MSRA: variants seen among roughly 807,000 people sequenced by gnomAD.
The protein encoded by MSRA is mitochondrial peptide methionine sulfoxide reductase.
MSRA carries 54 observed loss-of-function variants against 31.3 expected under a neutral mutation model. The ratio of observed to expected loss-of-function variants is 1.73; its 90% confidence interval spans 1.39 to 2.17. The LOEUF is 2.17. Among genes scored for constraint, MSRA ranks in the 30% most tolerant of loss-of-function variants. MSRA has a pLI of 0.00. For missense variants in MSRA, 507 were observed against 300.9 expected, an observed-to-expected ratio of 1.69 and a Z score of -5.07; for synonymous variants, 169 against 116.5, an observed-to-expected ratio of 1.45 and a Z score of -2.90.
chr8:10,281,580 C>T (rs1247080231), intron 3 of MSRA, among the ~76,000 whole-genome samples: 1 of 152,236 alleles, frequency 6.6e-6, no homozygotes. Context: ...AGCCAGTACA[C>T]CGCATATAAC....
At chr8:10,134,487 T>A (rs539672913) in intron 1 of MSRA, among the ~76,000 whole-genome samples, 1 of 152,338 alleles carries the variant, frequency 6.6e-6, no homozygotes, top group African/African-American at 2.4e-5. Flanking sequence ...ACGGTGACCG[T>A]GGGGCACATC....
intron 3 of MSRA, among the ~76,000 whole-genome samples, chr8:10,253,784 G>A (rs6983870): frequency 0.3 from 46,330 of 151,914 alleles, 7,782 homozygotes; most frequent in Non-Finnish European, 0.38. Flanking sequence ...GAATTTTATG[G>A]GATATGCTGG....
intron 1 of MSRA, among the ~76,000 whole-genome samples, chr8:10,129,704 C>T (rs963102396): frequency 1.3e-5 from 2 of 152,106 alleles, no homozygotes; most frequent in East Asian, 1.9e-4. Flanking sequence ...CATCCTTGAG[C>T]CCCTGGAGGT....
intron 5 of MSRA, among the ~76,000 whole-genome samples, chr8:10,363,747 C>CACACACACACACAT (rs1804995419): frequency 6.8e-6 from 1 of 147,618 alleles, no homozygotes; most frequent in Admixed American, 6.8e-5. Context: ...ACCACACACA[C>CACACACACACACAT]ACACACACAC....
At chr8:10,395,910 A>G (rs543279632) in intron 5 of MSRA, among the ~76,000 whole-genome samples, 6 of 152,176 alleles carry the variant, frequency 3.9e-5, no homozygotes, top group Non-Finnish European at 7.4e-5. Context: ...AGAAATGGCA[A>G]TTCACAAAGG....
intron 1 of MSRA, 94 bp from the exon 2 acceptor site, chr8:10,207,739 A>T: frequency 8.5e-7 from 1 of 1,180,562 alleles, no homozygotes; most frequent in Admixed American, 2.5e-5. Flanking sequence ...TTTAACTCAA[A>T]GGAGAAATAG....
intron 1 of MSRA, among the ~76,000 whole-genome samples, chr8:10,056,175 C>G (rs1802351261): frequency 8.5e-6 from 1 of 116,964 alleles, no homozygotes; most frequent in African/African-American, 3.4e-5. Flanking sequence ...ACTGCCGTGT[C>G]TTTGCTATGC....
At chr8:10,401,645 T>C (rs1259673550) in intron 5 of MSRA, among the ~76,000 whole-genome samples, 1 of 151,258 alleles carries the variant, frequency 6.6e-6, no homozygotes, top group Non-Finnish European at 1.5e-5. Flanking sequence ...AGCCAAAAAG[T>C]GGAAGCAACT....
chr8:10,210,738 T>A (rs1239425979), intron 2 of MSRA, among the ~76,000 whole-genome samples: 2 of 112,938 alleles, frequency 1.8e-5, no homozygotes, highest in African/African-American at 1.0e-4. Flanking sequence ...TATAATGTCA[T>A]TTTTTTTTTT....
Position 10,421,321 on chromosome 8 carries a change from C to G in MSRA, c.544-6827C>G, listed in dbSNP as rs560016608. Among the ~76,000 whole-genome samples the G allele has an allele frequency of 1.3e-4, 20 of 152,266 alleles. No homozygotes were observed. The East Asian group carries it at 3.5e-3, about 26-fold the overall frequency. ...AGGAATAAGAAGCCTACATTTTAGTCAATGGAAGGTTCACGTGAATAGAGG... is the reference window on the plus strand; with the variant it reads ...AGGAATAAGAAGCCTACATTTTAGTGAATGGAAGGTTCACGTGAATAGAGG... On this transcript the variant is annotated intron_variant, in intron 5 of 5. Transcript: ENST00000317173.
At chr8:10,376,206 C>A (rs1805747471) in intron 5 of MSRA, among the ~76,000 whole-genome samples, 1 of 152,192 alleles carries the variant, frequency 6.6e-6, no homozygotes. Context: ...ACATTTAGCA[C>A]CACTTGTACA....
chr8:10,137,835 C>T (rs1253170617), intron 1 of MSRA, among the ~76,000 whole-genome samples: 1 of 152,092 alleles, frequency 6.6e-6, no homozygotes, highest in Non-Finnish European at 1.5e-5. Context: ...ATAGGGATCC[C>T]TTAAGTAAAT....
intron 1 of MSRA, among the ~76,000 whole-genome samples, chr8:10,138,752 C>G (rs1325916650): frequency 6.6e-6 from 1 of 152,166 alleles, no homozygotes; most frequent in African/African-American, 2.4e-5. Flanking sequence ...TGGGTAAAAG[C>G]CACTTGCAAA....
intron 1 of MSRA, among the ~76,000 whole-genome samples, chr8:10,157,763 C>A (rs532104292): frequency 6.6e-6 from 1 of 152,218 alleles, no homozygotes; most frequent in South Asian, 2.1e-4. Context: ...CTCTCCCCCT[C>A]TCTCTGCCCG....
intron 3 of MSRA, among the ~76,000 whole-genome samples, chr8:10,258,060 C>T (rs535430512): frequency 6.6e-6 from 1 of 152,236 alleles, no homozygotes; most frequent in South Asian, 2.1e-4. Context: ...CATGTGACCA[C>T]TTCTTCTATT....
At chr8:10,119,995 A>G (rs1800988575) in intron 1 of MSRA, among the ~76,000 whole-genome samples, 9 of 152,202 alleles carry the variant, frequency 5.9e-5, no homozygotes, top group Admixed American at 4.6e-4. Flanking sequence ...ACCGTGATAT[A>G]GGAGAGGGTC....
At chr8:10,116,016 G>T (rs893251269) in intron 1 of MSRA, among the ~76,000 whole-genome samples, 3 of 152,214 alleles carry the variant, frequency 2.0e-5, no homozygotes, top group African/African-American at 2.4e-5. Context: ...GGACAGAGAT[G>T]TGAGATCGTG....
intron 2 of MSRA, among the ~76,000 whole-genome samples, chr8:10,213,701 A>G (rs1165988951): frequency 6.8e-6 from 1 of 147,186 alleles, no homozygotes; most frequent in Non-Finnish European, 1.5e-5. Context: ...CTCCCCAGGT[A>G]CCACATTTTC....
intron 5 of MSRA, among the ~76,000 whole-genome samples, chr8:10,382,690 G>A (rs1806145726): frequency 6.6e-6 from 1 of 152,192 alleles, no homozygotes; most frequent in Non-Finnish European, 1.5e-5. Context: ...AGAGTTAGCA[G>A]AGGACAAAGG....
Sources: gnomAD v4.1 joint callset for allele counts (sites outside exome capture counted in the v4.1 genomes callset) on GRCh38, gnomAD v4.1.1 for gene constraint, MANE v1.5 for transcripts, NCBI Gene and HGNC (gene_info 2026-07-23, HGNC 2026-07-21) for gene names.